The following RBPJ variants were observed in gnomAD, a reference collection of about 807,000 sequenced individuals.
RBPJ encodes the protein recombining binding protein suppressor of hairless.
RBPJ carries 9 observed loss-of-function variants against 67.8 expected under a neutral mutation model. The ratio of observed to expected loss-of-function variants is 0.13; its 90% confidence interval spans 0.08 to 0.23. The LOEUF (loss-of-function observed/expected upper bound fraction) is 0.23, where lower values mean the gene tolerates loss of function less well. Among genes scored for constraint, RBPJ ranks in the 10% least tolerant of loss-of-function variants. The probability of loss-of-function intolerance (pLI) is 1.00; values close to 1 mark genes in which losing one functional copy is unlikely to be tolerated. For synonymous variants in RBPJ, 198 were observed against 203.3 expected (o/e 0.97, Z 0.22); for missense variants, 305 against 595.6 (o/e 0.51, Z 5.08).
At chr4:26,344,701 G>A (rs1725952028) in intron 1 of RBPJ, among the ~76,000 whole-genome samples, 1 of 152,116 alleles carries the variant, frequency 6.6e-6, no homozygotes, top group South Asian at 2.1e-4. Flanking sequence ...AAAAAAGGAA[G>A]GGTGGAATAG....
In RBPJ at chr4:26,188,138, G is replaced by A. The variant is rs189110181; in HGVS notation, c.-167+24524G>A. On this transcript the variant is annotated intron_variant, in intron 1 of 4. Transcript: ENST00000512351. ...GCACGAAAATCCCTTGAACCCAGGAGGTGAAGGTTGCAGTGAGCTGAGATG... is the reference window on the plus strand; with the variant it reads ...GCACGAAAATCCCTTGAACCCAGGAAGTGAAGGTTGCAGTGAGCTGAGATG... Among the ~76,000 whole-genome samples, 165 of 152,294 alleles carry A rather than the reference G, an allele frequency of 1.1e-3. 4 individuals are homozygous for A. In the East Asian group the frequency reaches 0.026, roughly 24 times the overall value.
chr4:26,327,297 G>A (rs187677928), intron 1 of RBPJ, among the ~76,000 whole-genome samples: 14 of 152,238 alleles, frequency 9.2e-5, no homozygotes, highest in Non-Finnish European at 1.8e-4. Flanking sequence ...TTACCTATCC[G>A]TATAGATATT....
At chr4:26,176,912 C>A (rs1355739427) in intron 1 of RBPJ, among the ~76,000 whole-genome samples, 1 of 152,210 alleles carries the variant, frequency 6.6e-6, no homozygotes, top group Non-Finnish European at 1.5e-5. Context: ...AGTCAACATT[C>A]TTTTAGGGGT....
rs563169705 is a variant in RBPJ, at chr4:26,349,128, C to G, written c.20+28080C>G. On this transcript the variant is annotated intron_variant, in intron 1 of 10. Coordinates refer to ENST00000355476, the MANE Select transcript of RBPJ (RefSeq NM_015874.6). ...CTTGCCAGGCTCTAGAGTGCAGTGG[C>G]GTTCTCACAGCTCACTGCAGCCTTG... Among the ~76,000 whole-genome samples, 6 of 151,816 alleles carry G rather than the reference C, an allele frequency of 4.0e-5. No individual in the cohort carries two copies. The East Asian group carries it at 1.2e-3, about 29-fold the overall frequency.
chr4:26,188,256 GAA>G (rs534256133), intron 1 of RBPJ, among the ~76,000 whole-genome samples: 30 of 152,166 alleles, frequency 2.0e-4, no homozygotes, highest in African/African-American at 6.7e-4. Context: ...GATGAGAAGA[GAA>G]AGAATTTTCT....
the RBPJ span, among the ~76,000 whole-genome samples, chr4:26,153,177 C>A: frequency 1.3e-5 from 2 of 152,194 alleles, no homozygotes; most frequent in African/African-American, 4.8e-5. Context: ...GCTCAGCCAC[C>A]CATGTGGACA....
At chr4:26,363,513 A>T (rs777563726) in intron 1 of RBPJ, among the ~76,000 whole-genome samples, 10 of 152,196 alleles carry the variant, frequency 6.6e-5, no homozygotes, top group Non-Finnish European at 1.3e-4. Context: ...ATCTTGGCTC[A>T]CTGCAGCCTC....
chr4:26,348,706 GT>G (rs1227761986), intron 1 of RBPJ, among the ~76,000 whole-genome samples: 2 of 149,724 alleles, frequency 1.3e-5, no homozygotes, highest in Middle Eastern at 3.4e-3. Flanking sequence ...TTTGTTTTTT[GT>G]TTTTTTTTGT....
chr4:26,244,131 GTA>G (rs148833802), intron 1 of RBPJ, among the ~76,000 whole-genome samples: 12 of 142,400 alleles, frequency 8.4e-5, no homozygotes, highest in African/African-American at 3.1e-4. Context: ...ACTTTAAAAT[GTA>G]TATATATATG....
chr4:26,182,137 T>G (rs1168396789), intron 1 of RBPJ, among the ~76,000 whole-genome samples: 2 of 152,160 alleles, frequency 1.3e-5, no homozygotes, highest in Non-Finnish European at 1.5e-5. Flanking sequence ...GGTCAGAAGA[T>G]CAAGACCATC....
At chr4:26,140,625 A>AC in the RBPJ span, among the ~76,000 whole-genome samples, 7 of 77,478 alleles carry the variant, frequency 9.0e-5, no homozygotes, top group Admixed American at 4.0e-4. Context: ...AAGCCGCCCC[A>AC]CCCCCCCACC....
At chr4:26,163,607 T>G (rs916974568) in exon 1 of RBPJ, 1 of 152,196 alleles carries the variant, frequency 6.6e-6, no homozygotes, top group African/African-American at 2.4e-5. Flanking sequence ...CTATCCAGCA[T>G]CATTGAGGTA....
intron 1 of RBPJ, among the ~76,000 whole-genome samples, chr4:26,331,346 C>T (rs1013976512): frequency 2.6e-5 from 4 of 151,900 alleles, no homozygotes; most frequent in Non-Finnish European, 4.4e-5. Context: ...CTCAGCCTTC[C>T]AAAGTGCTGG....
At chr4:26,115,272 G>T in the RBPJ span, among the ~76,000 whole-genome samples, 4 of 152,096 alleles carry the variant, frequency 2.6e-5, no homozygotes, top group Non-Finnish European at 4.4e-5. Context: ...CGTCATTACC[G>T]CTGAACTGCC....
the RBPJ span, among the ~76,000 whole-genome samples, chr4:26,123,213 C>T: frequency 1.3e-5 from 2 of 152,116 alleles, no homozygotes; most frequent in Admixed American, 6.6e-5. Context: ...CAAACCTGGA[C>T]AGCATGTGAC....
chr4:26,236,195 T>C (rs190949246), intron 1 of RBPJ, among the ~76,000 whole-genome samples: 5 of 152,224 alleles, frequency 3.3e-5, no homozygotes, highest in Non-Finnish European at 5.9e-5. Flanking sequence ...ATCAGCCACG[T>C]AAACTCTGGC....
At chr4:26,167,795 A>T (rs1238411578) in intron 1 of RBPJ, among the ~76,000 whole-genome samples, 1 of 150,274 alleles carries the variant, frequency 6.7e-6, no homozygotes, top group Non-Finnish European at 1.5e-5. Flanking sequence ...GTCTTGTGCC[A>T]GTTTTCAAAG....
At chr4:26,301,105 A>G (rs1722059981) in intron 1 of RBPJ, among the ~76,000 whole-genome samples, 1 of 152,198 alleles carries the variant, frequency 6.6e-6, no homozygotes, top group South Asian at 2.1e-4. Flanking sequence ...TTTGCAATGT[A>G]TGTTACATGT....
intron 1 of RBPJ, among the ~76,000 whole-genome samples, chr4:26,214,315 AGGAG>A (rs567325094): frequency 1.3e-3 from 181 of 137,910 alleles, no homozygotes; most frequent in African/African-American, 4.5e-3. Context: ...GAGACAGAGA[AGGAG>A]GGAGGGAGGG....
Sources: gnomAD v4.1 joint callset for allele counts (sites outside exome capture counted in the v4.1 genomes callset) on GRCh38, gnomAD v4.1.1 for gene constraint, MANE v1.5 for transcripts, NCBI Gene and HGNC (gene_info 2026-07-23, HGNC 2026-07-21) for gene names.